Variants in VEPH1 observed in about 807,000 individuals in gnomAD.
The protein encoded by VEPH1 is ventricular zone-expressed PH domain-containing protein homolog 1.
A neutral mutation model predicts 85.2 loss-of-function variants in VEPH1; 80 were observed. The observed-to-expected ratio is 0.94, with a 90% CI of 0.78 to 1.13. VEPH1 has a LOEUF of 1.13. Among genes scored for constraint, VEPH1 ranks in the 50% most tolerant of loss-of-function variants. The probability of loss-of-function intolerance (pLI) is 0.00; values close to 1 mark genes in which losing one functional copy is unlikely to be tolerated. For synonymous variants in VEPH1, 297 were observed against 348.0 expected, an observed-to-expected ratio of 0.85 and a Z score of 1.63; for missense variants, 955 against 980.5, an observed-to-expected ratio of 0.97 and a Z score of 0.35.
At chr3:157,354,329 A>T (rs1222206176) in intron 9 of VEPH1, among the ~76,000 whole-genome samples, 1 of 152,060 alleles carries the variant, frequency 6.6e-6, no homozygotes, top group East Asian at 1.9e-4. Context: ...GTATCTCCCC[A>T]CACATTCTTC....
intron 6 of VEPH1, among the ~76,000 whole-genome samples, chr3:157,384,508 C>T (rs962486419): frequency 6.6e-6 from 1 of 152,144 alleles, no homozygotes; most frequent in African/African-American, 2.4e-5. Context: ...ATTAAGAATC[C>T]TTCTCACTAT....
At chr3:157,441,126 TTAG>T (rs750574825) in intron 4 of VEPH1, among the ~76,000 whole-genome samples, 1 of 152,176 alleles carries the variant, frequency 6.6e-6, no homozygotes, top group Non-Finnish European at 1.5e-5. Flanking sequence ...GCATGGCTCA[TTAG>T]TAGTAACACC....
intron 9 of VEPH1, among the ~76,000 whole-genome samples, chr3:157,344,609 T>C (rs1577392052): frequency 2.0e-5 from 3 of 152,198 alleles, no homozygotes; most frequent in Admixed American, 2.0e-4. Context: ...CCCAAGGTAA[T>C]TTATAGATCC....
In VEPH1 at chr3:157,503,345, C is replaced by CT. The variant is rs1740258164; in HGVS notation, c.-227dup. ...ATCCTTGATCTTTAGAGCACTGCAGCTGGGACCCATGACCATGCTCAGAGG... is the reference window on the plus strand; with the variant it reads ...ATCCTTGATCTTTAGAGCACTGCAGCTTGGGACCCATGACCATGCTCAGAGG... On this transcript the variant is annotated 5_prime_UTR_variant, in exon 1 of 14. It removes the in-frame stop codon of an upstream open reading frame in the 5' UTR. Transcript: ENST00000362010. 6.6e-6 allele frequency: 1 copy of CT among 152,222 alleles called. No individual in the cohort carries two copies. The highest frequency in any genetic ancestry group is 1.5e-5 in the Non-Finnish European group (1 of 68,042). The allele number at this position is 152,222 out of a possible 1,614,324, so 9.4% of individuals were successfully genotyped here.
intron 11 of VEPH1, among the ~76,000 whole-genome samples, chr3:157,309,493 C>G (rs1021563986): frequency 8.6e-5 from 13 of 152,018 alleles, no homozygotes; most frequent in African/African-American, 3.1e-4. Flanking sequence ...CTCATGGAAA[C>G]CCAGTCTAAT....
chr3:157,305,353 G>A (rs11928951), intron 11 of VEPH1, among the ~76,000 whole-genome samples: 9 of 151,724 alleles, frequency 5.9e-5, no homozygotes, highest in East Asian at 1.9e-4. Flanking sequence ...CTCGTGATCC[G>A]CCCGCCTCGG....
At chr3:157,343,027 A>C (rs902311273) in intron 9 of VEPH1, among the ~76,000 whole-genome samples, 2 of 152,242 alleles carry the variant, frequency 1.3e-5, no homozygotes, top group African/African-American at 4.8e-5. Flanking sequence ...CATTTAAAGC[A>C]GTGTGCAGAG....
chr3:157,314,376 G>C (rs1392032054), intron 10 of VEPH1, among the ~76,000 whole-genome samples: 1 of 69,386 alleles, frequency 1.4e-5, no homozygotes, highest in Non-Finnish European at 3.8e-5. Context: ...AAACGAAAAA[G>C]ATCAAACATA....
chr3:157,304,522 C>T (rs143044842), intron 11 of VEPH1, among the ~76,000 whole-genome samples: 55 of 152,206 alleles, frequency 3.6e-4, no homozygotes, highest in Non-Finnish European at 6.9e-4. Flanking sequence ...AATCAGAGTG[C>T]CATTCCCTCT....
At chr3:157,472,525 AC>A (rs1199244193) in intron 2 of VEPH1, among the ~76,000 whole-genome samples, 1 of 152,004 alleles carries the variant, frequency 6.6e-6, no homozygotes, top group Admixed American at 6.6e-5. Context: ...TTTTTTTTTA[AC>A]TTTTATTTTA....
At chr3:157,351,481 A>G (rs578229861) in intron 9 of VEPH1, among the ~76,000 whole-genome samples, 1 of 152,144 alleles carries the variant, frequency 6.6e-6, no homozygotes, top group Non-Finnish European at 1.5e-5. Context: ...GGCGTGAGCC[A>G]CCGCACTTGG....
chr3:157,262,435 A>C (rs984105680), intron 13 of VEPH1, among the ~76,000 whole-genome samples: 1 of 152,178 alleles, frequency 6.6e-6, no homozygotes, highest in Admixed American at 6.6e-5. Flanking sequence ...GTCACAAGGA[A>C]TTTAAACAAT....
chr3:157,339,521 G>A (rs956084273), intron 9 of VEPH1, among the ~76,000 whole-genome samples: 2 of 152,142 alleles, frequency 1.3e-5, no homozygotes, highest in African/African-American at 2.4e-5. Flanking sequence ...GGCAAAGGTA[G>A]CTGAGGGCTC....
intron 4 of VEPH1, among the ~76,000 whole-genome samples, chr3:157,442,037 A>C (rs1242650676): frequency 6.6e-6 from 1 of 152,126 alleles, no homozygotes; most frequent in Non-Finnish European, 1.5e-5. Context: ...AACTTTTTTA[A>C]AAAAAAGCAG....
intron 5 of VEPH1, among the ~76,000 whole-genome samples, chr3:157,416,468 CGA>C (rs1731920958): frequency 6.6e-6 from 1 of 152,162 alleles, no homozygotes; most frequent in Non-Finnish European, 1.5e-5. Context: ...AGAAGCCATG[CGA>C]GGTCCCTGGC....
chr3:157,369,628 A>G (rs1230971587), intron 7 of VEPH1, among the ~76,000 whole-genome samples: 2 of 152,148 alleles, frequency 1.3e-5, no homozygotes, highest in Non-Finnish European at 2.9e-5. Flanking sequence ...GCTGGCAGGG[A>G]GGTAGGACAA....
intron 1 of VEPH1, among the ~76,000 whole-genome samples, chr3:157,497,950 G>A (rs765974129): frequency 2.6e-5 from 4 of 152,178 alleles, no homozygotes; most frequent in African/African-American, 9.7e-5. Flanking sequence ...TCTTTTGCAC[G>A]TTTTCAACTG....
chr3:157,321,758 C>A (rs1490614833), intron 9 of VEPH1, among the ~76,000 whole-genome samples: 1 of 151,942 alleles, frequency 6.6e-6, no homozygotes, highest in Non-Finnish European at 1.5e-5. Flanking sequence ...TGGGAGCAGA[C>A]CAAAAGCTGA....
intron 2 of VEPH1, among the ~76,000 whole-genome samples, chr3:157,477,209 T>C (rs2109540766): frequency 6.6e-6 from 1 of 151,626 alleles, no homozygotes; most frequent in South Asian, 2.1e-4. Context: ...TTTTTTAATC[T>C]GTTCTAGCTT....
Sources: allele counts gnomAD v4.1 joint callset (sites outside exome capture counted in the v4.1 genomes callset), GRCh38; gene constraint gnomAD v4.1.1; transcripts MANE v1.5; gene names NCBI Gene and HGNC (gene_info 2026-07-23, HGNC 2026-07-21).